CUBN: variants seen among roughly 807,000 people sequenced by gnomAD.
CUBN encodes cubilin.
A neutral mutation model predicts 405.3 loss-of-function variants in CUBN; 282 were observed. That is an observed-to-expected ratio of 0.70 (90% CI 0.63 to 0.77). The LOEUF is 0.77. Among genes scored for constraint, CUBN ranks in the 30% least tolerant of loss-of-function variants. CUBN has a pLI of 0.00. For missense variants in CUBN, 4,514 were observed against 4,475.2 expected (o/e 1.01, Z -0.25); for synonymous variants, 1,684 against 1,617.0 (o/e 1.04, Z -0.99).
At position 16,835,057 on chromosome 10, in the gene CUBN, A is replaced by G. The variant is rs1279814437; in HGVS notation, c.10319T>C (p.Leu3440Pro). 2.5e-6 allele frequency: 4 copies of G among 1,614,074 alleles called. No individual in the cohort carries two copies. The highest frequency in any genetic ancestry group is 2.5e-6 in the Non-Finnish European group (3 of 1,180,036). Residue 3440 changes from leucine to proline, a missense_variant, in exon 64 of 67, where the codon CTT (leucine) becomes CCT (proline). Physicochemically the swap from Leu to Pro is moderately conservative, Grantham distance 98. This residue lies in a region of CUBN where 1,186 missense variants were observed against 1,186.9 expected (regional missense o/e 1.00). Transcript: ENST00000377833. The stretch of plus-strand genomic sequence containing the variant: ...GCATTCAACTGAGTTCTCGATGCCA[A>G]GTGAATGAAAAAAGAGGGAAATGGT... The part of the protein sequence containing the change: ...NHTISLFFHS[L>P]GIENSVECRN...
chr10:16,978,195 C>T (rs1833153560), intron 31 of CUBN, among the ~76,000 whole-genome samples: 1 of 152,190 alleles, frequency 6.6e-6, no homozygotes, highest in Non-Finnish European at 1.5e-5. Context: ...AAGCTCTGGA[C>T]TCAAACTTTG....
At chr10:16,867,167 G>A (rs914800558) in intron 59 of CUBN, among the ~76,000 whole-genome samples, 2 of 152,176 alleles carry the variant, frequency 1.3e-5, no homozygotes, top group African/African-American at 2.4e-5. Context: ...TGAAGATATT[G>A]TTTTCCAGGC....
chr10:16,906,699 A>G (rs1841566074), intron 49 of CUBN, among the ~76,000 whole-genome samples: 1 of 152,220 alleles, frequency 6.6e-6, no homozygotes, highest in African/African-American at 2.4e-5. Flanking sequence ...CCTACTGTTC[A>G]TTAATATTTA....
chr10:17,018,779 G>A (rs537112944), intron 28 of CUBN, among the ~76,000 whole-genome samples: 6 of 152,262 alleles, frequency 3.9e-5, no homozygotes, highest in South Asian at 2.1e-4. Flanking sequence ...TTTACAGACC[G>A]CTGATTGGTA....
intron 64 of CUBN, among the ~76,000 whole-genome samples, chr10:16,833,145 G>A (rs1224926536): frequency 6.6e-6 from 1 of 152,172 alleles, no homozygotes; most frequent in African/African-American, 2.4e-5. Context: ...AAGCTGGAGT[G>A]AGTTAAGAGT....
chr10:17,010,562 C>T (rs929229796), intron 28 of CUBN, among the ~76,000 whole-genome samples: 2 of 152,092 alleles, frequency 1.3e-5, no homozygotes, highest in African/African-American at 4.8e-5. Flanking sequence ...TCACTTAAGC[C>T]TCAGAGCTCA....
chr10:16,864,796 A>G (rs1295835552), intron 59 of CUBN, among the ~76,000 whole-genome samples: 2 of 150,298 alleles, frequency 1.3e-5, no homozygotes, highest in Non-Finnish European at 3.0e-5. Flanking sequence ...GATTACAGGC[A>G]TGTGCCACCA....
At chr10:16,965,984 A>G (rs1260480300) in intron 31 of CUBN, 2 of 471,054 alleles carry the variant, frequency 4.2e-6, no homozygotes, top group Non-Finnish European at 8.8e-6. Flanking sequence ...AAACCTAGAG[A>G]AAAGGTGAAA....
Position 16,869,818 on chromosome 10 carries a change from C to CAGG in CUBN, c.9269_9271dup (p.Ser3090dup), listed in dbSNP as rs1300066453. The CAGG allele has an allele frequency of 5.6e-6, 9 of 1,613,928 alleles. No homozygotes were observed. Among genetic ancestry groups the CAGG allele is most frequent in the Non-Finnish European group, 7.6e-6 (9 of 1,179,840 alleles). On this transcript the variant is annotated inframe_insertion, in exon 59 of 67. Transcript: ENST00000377833. ...GTAAATTGCCAGGTAGTCATGGGAGCAGGAGGTGGAGGGAACCACATCAAA... is the reference window on the plus strand; with the variant it reads ...GTAAATTGCCAGGTAGTCATGGGAGCAGGAGGAGGTGGAGGGAACCACATCAAA...
At chr10:17,093,530 T>G (rs1173710034) in intron 14 of CUBN, among the ~76,000 whole-genome samples, 1 of 152,046 alleles carries the variant, frequency 6.6e-6, no homozygotes, top group Non-Finnish European at 1.5e-5. Context: ...CTTGATTGAA[T>G]GAAAGTGATC....
At chr10:16,878,203 G>A (rs1190577425) in intron 56 of CUBN, among the ~76,000 whole-genome samples, 4 of 152,144 alleles carry the variant, frequency 2.6e-5, no homozygotes, top group African/African-American at 4.8e-5. Flanking sequence ...CAAGAGAATC[G>A]CTTGAACCTG....
chr10:16,876,691 T>G (rs955975222), intron 57 of CUBN, among the ~76,000 whole-genome samples: 3 of 152,176 alleles, frequency 2.0e-5, no homozygotes, highest in African/African-American at 7.2e-5. Context: ...TCAGAGTAGT[T>G]CTAGCCAAAG....
At chr10:16,928,532 C>CCCCCCTTT (rs1403918589) in intron 40 of CUBN, among the ~76,000 whole-genome samples, 25 of 107,120 alleles carry the variant, frequency 2.3e-4, no homozygotes, top group African/African-American at 3.9e-4. Flanking sequence ...CCACCCCCCC[C>CCCCCCTTT]TTTTTTTTTT....
chr10:16,969,327 G>A (rs1358321418), intron 31 of CUBN, among the ~76,000 whole-genome samples: 1 of 151,554 alleles, frequency 6.6e-6, no homozygotes, highest in Non-Finnish European at 1.5e-5. Flanking sequence ...TGTGGGTTCT[G>A]TGAAAGAGGA....
At chr10:16,854,314 A>G (rs1371596058) in intron 59 of CUBN, among the ~76,000 whole-genome samples, 1 of 152,236 alleles carries the variant, frequency 6.6e-6, no homozygotes, top group Admixed American at 6.5e-5. Flanking sequence ...TAGGATTGGG[A>G]AAACAGGATG....
Position 16,947,298 on chromosome 10 carries a change from G to A in CUBN, c.5279C>T (p.Pro1760Leu). 1.2e-6 allele frequency: 2 copies of A among 1,613,976 alleles called. No individual in the cohort carries two copies. The change falls in exon 36 of 67, where the codon CCT becomes CTT. Residue 1760 changes from proline (P) to leucine (L), a missense_variant. Pro to Leu is a moderately conservative substitution (Grantham distance 98). Transcript: ENST00000377833. Reference sequence around the variant, plus strand: ...GATGTTCCAGACACATTCCACATTAGGGGGATAAATGTCTGGGTAGCCAGG... The same window carrying A: ...GATGTTCCAGACACATTCCACATTAAGGGGATAAATGTCTGGGTAGCCAGG... ...NSPGYPDIYP[P>L]NVECVWNIVS... is the part of the protein sequence containing the mutation.
intron 13 of CUBN, among the ~76,000 whole-genome samples, chr10:17,101,936 A>T (rs896300992): frequency 2.0e-5 from 3 of 152,230 alleles, no homozygotes; most frequent in African/African-American, 7.2e-5. Context: ...TTAGTATAGA[A>T]CATGGCAGAG....
In CUBN at chr10:16,920,023, G is replaced by A; in HGVS notation, c.6761C>T (p.Pro2254Leu). The change falls in exon 44 of 67, where the codon CCA becomes CTA. Residue 2254 changes from proline to leucine, a missense_variant. Physicochemically the swap from Pro to Leu is moderately conservative, Grantham distance 98. Coordinates refer to ENST00000377833, the MANE Select transcript of CUBN (RefSeq NM_001081.4). ...TTGCAGCTGTATGCGTGTTTCCGGTGGAGCCGCTAAGATCCAAATGCAATC... is the reference window on the plus strand; with the variant it reads ...TTGCAGCTGTATGCGTGTTTCCGGTAGAGCCGCTAAGATCCAAATGCAATC... ...HADCIWILAA[P>L]PETRIQLQFE... The A allele has an allele frequency of 6.2e-7, 1 of 1,614,000 alleles. No individual in the cohort carries two copies. Among genetic ancestry groups the A allele is most frequent in the Non-Finnish European group, 8.5e-7 (1 of 1,179,976 alleles).
At chr10:17,113,890 A>G in intron 8 of CUBN, 137 bp downstream of exon 8, 1 of 855,962 alleles carries the variant, frequency 1.2e-6, no homozygotes. Flanking sequence ...GAGATCGTCG[A>G]GCAGAACCAG....
Sources: gnomAD v4.1 joint callset for allele counts (sites outside exome capture counted in the v4.1 genomes callset) on GRCh38, gnomAD v4.1.1 for gene constraint, gnomAD v4.1.1 regional missense constraint, MANE v1.5 for transcripts, NCBI Gene and HGNC (gene_info 2026-07-23, HGNC 2026-07-21) for gene names.